Variants in SHC3 observed in about 807,000 individuals in gnomAD.
The protein encoded by SHC3 is SHC-transforming protein 3.
A neutral mutation model predicts 60.4 loss-of-function variants in SHC3; 15 were observed. The ratio of observed to expected loss-of-function variants is 0.25; its 90% CI spans 0.17 to 0.38. The LOEUF is 0.38. Ranked by LOEUF, SHC3 falls within the 10% of genes least tolerant of loss-of-function variation. The pLI is 1.00. For synonymous variants in SHC3, 294 were observed against 325.9 expected, an observed-to-expected ratio of 0.90 and a Z score of 1.05; for missense variants, 677 against 786.1, an observed-to-expected ratio of 0.86 and a Z score of 1.66.
intron 4 of SHC3, among the ~76,000 whole-genome samples, chr9:89,072,981 G>T (rs1182771950): frequency 6.6e-6 from 1 of 152,208 alleles, no homozygotes; most frequent in Non-Finnish European, 1.5e-5. Context: ...TAAGTGAATA[G>T]AGAATGAGGC....
Position 89,178,143 on chromosome 9 carries a change from G to C in SHC3, c.318C>G (p.Ala106=). ...LSGSCSAPSL[A]APDGSAPSAP... ...CCGAGGGCGCACTGCCGTCCGGGGC[G>C]GCCAGGCTGGGCGCGCTGCAGCTGC... Residue 106 remains alanine (A), a synonymous_variant, in exon 1 of 12, where the codon GCC becomes GCG. Transcript: ENST00000375835. This position sits in a 1 kb window ranked among gnomAD's most constrained non-coding sequence, Gnocchi z 6.9. The C allele has an allele frequency of 8.4e-7, 1 of 1,196,068 alleles. No individual in the cohort carries two copies. Among genetic ancestry groups the C allele is most frequent in the Non-Finnish European group, 1.0e-6 (1 of 965,666 alleles). The allele number at this position is 1,196,068 out of a possible 1,614,324, so 74.1% of individuals were successfully genotyped here. A position where few individuals can be genotyped will look rare whatever the true frequency, so the allele number is the denominator to read the frequency against.
chr9:89,112,455 C>T (rs1825962927), intron 2 of SHC3, 101 bp downstream of exon 2: 2 of 1,315,292 alleles, frequency 1.5e-6, no homozygotes, highest in Non-Finnish European at 2.2e-6. Flanking sequence ...CACTAACCCT[C>T]CAAGGGCCGG....
At chr9:89,050,248 G>T (rs774473465) in intron 7 of SHC3, among the ~76,000 whole-genome samples, 4 of 152,110 alleles carry the variant, frequency 2.6e-5, no homozygotes, top group Non-Finnish European at 5.9e-5. Flanking sequence ...AGATATCCTG[G>T]AGTTGTGTAT....
intron 2 of SHC3, among the ~76,000 whole-genome samples, chr9:89,102,329 C>T (rs1194895365): frequency 3.3e-5 from 5 of 152,102 alleles, no homozygotes; most frequent in Non-Finnish European, 7.4e-5. Context: ...ATTTCCAATG[C>T]TCTTCAAATG....
intron 1 of SHC3, among the ~76,000 whole-genome samples, chr9:89,153,467 A>G (rs936880580): frequency 1.3e-5 from 2 of 152,162 alleles, no homozygotes; most frequent in South Asian, 4.1e-4. Flanking sequence ...TCTCACTCAG[A>G]GCATTTCAAA....
At chr9:89,144,779 A>G (rs1396838468) in intron 1 of SHC3, among the ~76,000 whole-genome samples, 1 of 151,160 alleles carries the variant, frequency 6.6e-6, no homozygotes, top group Non-Finnish European at 1.5e-5. Context: ...CTTTTTGTTA[A>G]TTATGTCATG....
intron 1 of SHC3, among the ~76,000 whole-genome samples, chr9:89,119,180 G>T (rs1826057352): frequency 6.6e-6 from 1 of 151,942 alleles, no homozygotes; most frequent in South Asian, 2.1e-4. Context: ...ATATATCACT[G>T]TAAAAATAAG....
chr9:89,132,908 T>C (rs1482000596), intron 1 of SHC3, among the ~76,000 whole-genome samples: 1 of 151,832 alleles, frequency 6.6e-6, no homozygotes, highest in Non-Finnish European at 1.5e-5. Flanking sequence ...AATAGACAAA[T>C]GGGATCTAAT....
chr9:89,133,462 G>A (rs1041106085), intron 1 of SHC3, among the ~76,000 whole-genome samples: 2 of 152,218 alleles, frequency 1.3e-5, no homozygotes, highest in East Asian at 1.9e-4. Flanking sequence ...ATATGCACAC[G>A]TATGTTCACT....
At position 89,063,435 on chromosome 9, in the gene SHC3, G is replaced by A. The variant is rs530191478; in HGVS notation, c.835+2094C>T. Among the ~76,000 whole-genome samples the A allele has an allele frequency of 7.5e-4, 114 of 152,316 alleles. 1 individual carries two copies. Among genetic ancestry groups the A allele is most frequent in the Middle Eastern group, 3.4e-3 (1 of 294 alleles). On this transcript the variant is annotated intron_variant, in intron 6 of 11. Transcript: ENST00000375835. ...GAGCCACCACACCTGGCTGACAGCT[G>A]TGACTAGTAAATCTATGGCAGAAGT... is the stretch of plus-strand genomic sequence containing the variant.
At chr9:89,157,348 G>A (rs1294935535) in intron 1 of SHC3, among the ~76,000 whole-genome samples, 1 of 152,200 alleles carries the variant, frequency 6.6e-6, no homozygotes, top group Admixed American at 6.5e-5. Context: ...GATTAATGTG[G>A]CCACAGGCCA....
chr9:89,178,342 G>A lies in SHC3; in HGVS notation c.119C>T (p.Thr40Ile). 1 of 1,594,828 alleles carries A rather than the reference G, an allele frequency of 6.3e-7. No homozygotes were observed. Among genetic ancestry groups the A allele is most frequent in the African/African-American group, 1.4e-5 (1 of 72,574 alleles). The change falls in exon 1 of 12, where the codon ACC becomes ATC. Residue 40 changes from threonine (T) to isoleucine (I), a missense_variant. Coordinates refer to ENST00000375835, the MANE Select transcript of SHC3 (RefSeq NM_016848.6). This position sits in a 1 kb window ranked among gnomAD's most constrained non-coding sequence, Gnocchi z 6.9. ...GGGKVSAARATPAAAPYLVSG... is the reference protein window; with the variant it reads ...GGGKVSAARAIPAAAPYLVSG... ...CACCAAGTAGGGAGCCGCCGCCGGGGTCGCGCGCGCCGCCGAAACCTTGCC... is the reference window on the plus strand; with the variant it reads ...CACCAAGTAGGGAGCCGCCGCCGGGATCGCGCGCGCCGCCGAAACCTTGCC...
At chr9:89,019,239 C>T (rs7043211) in intron 11 of SHC3, among the ~76,000 whole-genome samples, 1,969 of 151,974 alleles carry the variant, frequency 0.013, 39 homozygotes, top group African/African-American at 0.045. Flanking sequence ...TTTTTGATTT[C>T]ATTTTTGTAA....
intron 11 of SHC3, among the ~76,000 whole-genome samples, chr9:89,016,298 A>T (rs558018446): frequency 6.6e-6 from 1 of 152,330 alleles, no homozygotes; most frequent in South Asian, 2.1e-4. Flanking sequence ...TGACCAGTTT[A>T]TCAGGATCTT....
chr9:89,154,483 G>A (rs1826593485), intron 1 of SHC3, among the ~76,000 whole-genome samples: 8 of 152,210 alleles, frequency 5.3e-5, no homozygotes, highest in Admixed American at 5.2e-4. Context: ...AGGGTTGGGT[G>A]TGAAAAGTGG....
At chr9:89,138,471 T>TG (rs1335764531) in intron 1 of SHC3, among the ~76,000 whole-genome samples, 15 of 152,330 alleles carry the variant, frequency 9.8e-5, no homozygotes, top group African/African-American at 3.6e-4. Flanking sequence ...AGTGTAATAG[T>TG]GAGGACAACC....
At chr9:89,017,528 C>T (rs1826117242) in intron 11 of SHC3, among the ~76,000 whole-genome samples, 2 of 152,076 alleles carry the variant, frequency 1.3e-5, no homozygotes, top group Non-Finnish European at 1.5e-5. Context: ...AATGTAAGAC[C>T]TAAAACCATA....
At chr9:89,146,244 C>G (rs1215152880) in intron 1 of SHC3, among the ~76,000 whole-genome samples, 1 of 151,758 alleles carries the variant, frequency 6.6e-6, no homozygotes, top group African/African-American at 2.4e-5. Context: ...GTAGTCTCAG[C>G]TACTTGGTGG....
intron 11 of SHC3, among the ~76,000 whole-genome samples, chr9:89,014,277 C>T (rs1378276761): frequency 6.6e-6 from 1 of 152,224 alleles, no homozygotes; most frequent in Non-Finnish European, 1.5e-5. Context: ...GCCCTGCTTG[C>T]TGGCCTGCAC....
Sources: gnomAD v4.1 joint callset for allele counts (sites outside exome capture counted in the v4.1 genomes callset) on GRCh38, gnomAD v4.1.1 for gene constraint, Gnocchi (gnomAD v3.1) non-coding constraint, MANE v1.5 for transcripts, NCBI Gene and HGNC (gene_info 2026-07-23, HGNC 2026-07-21) for gene names.